Variants in SYNE3 observed in about 807,000 individuals in gnomAD.
SYNE3 encodes spectrin repeat containing nuclear envelope family member 3.
A neutral mutation model predicts 111.2 loss-of-function variants in SYNE3; 100 were observed. The ratio of observed to expected loss-of-function variants is 0.90; its 90% confidence interval spans 0.77 to 1.06. The LOEUF is 1.06. Ranked by LOEUF, SYNE3 falls within the 50% of genes least tolerant of loss-of-function variation. The probability of loss-of-function intolerance (pLI) is 0.00; values close to 1 mark genes in which losing one functional copy is unlikely to be tolerated. For synonymous variants in SYNE3, 547 were observed against 533.9 expected (o/e 1.02, Z -0.34); for missense variants, 1,160 against 1,240.3 (o/e 0.94, Z 0.97).
intron 17 of SYNE3, 34 bp from the exon 18 acceptor site, chr14:95,418,060 G>T (rs1280269862): frequency 1.9e-6 from 3 of 1,600,094 alleles, no homozygotes; most frequent in Non-Finnish European, 1.7e-6. Flanking sequence ...TGAGTGGGCT[G>T]GGGGGCTCTG....
chr14:95,499,061 G>T (rs987313867), intron 1 of SYNE3, among the ~76,000 whole-genome samples: 1 of 152,204 alleles, frequency 6.6e-6, no homozygotes, highest in Non-Finnish European at 1.5e-5. Context: ...GAATCTCAGA[G>T]CTGTACTCAC....
intron 1 of SYNE3, among the ~76,000 whole-genome samples, chr14:95,509,105 C>G (rs1890631871): frequency 6.6e-6 from 1 of 152,228 alleles, no homozygotes; most frequent in African/African-American, 2.4e-5. Flanking sequence ...GGGAATCACT[C>G]TTGAAACTGT....
In SYNE3 at chr14:95,409,010, G is replaced by T. The variant is rs1903359907; in HGVS notation, c.*8816C>A. On this transcript the variant is annotated 3_prime_UTR_variant, in exon 18 of 18. Coordinates refer to ENST00000682763, the MANE Select transcript of SYNE3 (RefSeq NM_152592.6). ...TGGGAGTCAACGGACTTCCCCGCAG[G>T]AGTGGGCACAGGAGGAAAGCAGCAT... The T allele has an allele frequency of 2.6e-6, 1 of 387,224 alleles. No individual in the cohort carries two copies. The highest frequency in any genetic ancestry group is 7.3e-5 in the East Asian group (1 of 13,788). The allele number at this position is 387,224 out of a possible 1,614,324, so 24.0% of individuals were successfully genotyped here.
intron 6 of SYNE3, 74 bp from the exon 7 acceptor site, chr14:95,452,457 A>T: frequency 1.4e-6 from 2 of 1,462,652 alleles, no homozygotes; most frequent in Non-Finnish European, 1.8e-6. Flanking sequence ...CAGGAGGGTG[A>T]GCGTGGCCAG....
chr14:95,420,455 A>C (rs1221568819), intron 17 of SYNE3, among the ~76,000 whole-genome samples: 1 of 152,180 alleles, frequency 6.6e-6, no homozygotes, highest in Non-Finnish European at 1.5e-5. Flanking sequence ...TTGCCCCTTC[A>C]TTCTCAGAGT....
At chr14:95,424,776 G>C (rs1885343041) in intron 17 of SYNE3, among the ~76,000 whole-genome samples, 1 of 152,164 alleles carries the variant, frequency 6.6e-6, no homozygotes, top group Non-Finnish European at 1.5e-5. Flanking sequence ...TCAAGGTCAA[G>C]AAGAATTAAG....
intron 17 of SYNE3, among the ~76,000 whole-genome samples, chr14:95,424,390 G>A (rs2139352572): frequency 6.6e-6 from 1 of 152,266 alleles, no homozygotes; most frequent in East Asian, 1.9e-4. Flanking sequence ...GGAAGGAGGT[G>A]CCAGGGAGAG....
Position 95,502,688 on chromosome 14 carries a change from C to T in SYNE3, c.-15+13908G>A, listed in dbSNP as rs984296661. On this transcript the variant is annotated intron_variant, in intron 1 of 17. Coordinates refer to ENST00000682763, the MANE Select transcript of SYNE3 (RefSeq NM_152592.6). ...CAGAAGGAAAACCAGCACGTACAACCGGTCAGGAACTCACCTCTGGCATTC... is the reference window on the plus strand; with the variant it reads ...CAGAAGGAAAACCAGCACGTACAACTGGTCAGGAACTCACCTCTGGCATTC... Among the ~76,000 whole-genome samples the T allele has an allele frequency of 4.6e-5, 7 of 152,270 alleles. 1 individual carries two copies. Among genetic ancestry groups the T allele is most frequent in the African/African-American group, 9.6e-5 (4 of 41,556 alleles).
chr14:95,458,578 C>A (rs922987669), intron 4 of SYNE3, among the ~76,000 whole-genome samples: 2 of 152,172 alleles, frequency 1.3e-5, no homozygotes, highest in Admixed American at 1.3e-4. Flanking sequence ...GCCCCCTTCT[C>A]ACTCTGAGGC....
chr14:95,498,045 GA>G (rs1266339394), intron 1 of SYNE3, among the ~76,000 whole-genome samples: 7 of 143,820 alleles, frequency 4.9e-5, no homozygotes, highest in Non-Finnish European at 9.2e-5. Context: ...AAAAAAAAAG[GA>G]AAAAAGTAGC....
intron 15 of SYNE3, among the ~76,000 whole-genome samples, chr14:95,434,845 C>A (rs7159208): frequency 0.32 from 48,058 of 151,992 alleles, 7,744 homozygotes; most frequent in East Asian, 0.55. Flanking sequence ...TCAGTAGAAA[C>A]GTGGTTTCTC....
intron 5 of SYNE3, chr14:95,456,028 C>A: frequency 2.3e-6 from 1 of 431,410 alleles, no homozygotes. Context: ...CCTTTCCATG[C>A]CTTCAGCTGG....
intron 1 of SYNE3, 125 bp from the exon 2 acceptor site, chr14:95,475,960 G>T: frequency 2.1e-6 from 2 of 961,626 alleles, no homozygotes; most frequent in Non-Finnish European, 2.8e-6. Flanking sequence ...TCCCAGTTGG[G>T]CAATATGGCC....
chr14:95,509,297 G>A (rs1377871990), intron 1 of SYNE3, among the ~76,000 whole-genome samples: 1 of 152,182 alleles, frequency 6.6e-6, no homozygotes, highest in Non-Finnish European at 1.5e-5. Flanking sequence ...AGGTGAGAAA[G>A]GCCACGATGA....
intron 1 of SYNE3, among the ~76,000 whole-genome samples, chr14:95,504,190 C>G (rs1890441273): frequency 6.6e-6 from 1 of 152,138 alleles, no homozygotes; most frequent in Non-Finnish European, 1.5e-5. Flanking sequence ...CAACCAACAC[C>G]CATTCATTTA....
intron 1 of SYNE3, among the ~76,000 whole-genome samples, chr14:95,486,951 T>C (rs1412013853): frequency 1.3e-5 from 2 of 152,186 alleles, no homozygotes; most frequent in African/African-American, 4.8e-5. Flanking sequence ...CCTACAGTCC[T>C]AACTGGCCAG....
In SYNE3 at chr14:95,444,596, T is replaced by C. The variant is rs9919918; in HGVS notation, c.1665A>G (p.Ala555=). The change falls in exon 10 of 18, where the codon GCA becomes GCG. Residue 555 remains alanine, a synonymous_variant. Transcript: ENST00000682763. ...GCTTCCTCTGCAGGGGCTCAAAAGCTGCTCCAAAGTCTTTGTGCTGAGCGA... is the reference window on the plus strand; with the variant it reads ...GCTTCCTCTGCAGGGGCTCAAAAGCCGCTCCAAAGTCTTTGTGCTGAGCGA... ...SLLAQHKDFG[A]AFEPLQRKLL... The C allele has an allele frequency of 0.21, 334,367 of 1,610,490 alleles. 38,272 individuals are homozygous for C. Among genetic ancestry groups the C allele is most frequent in the Admixed American group, 0.45 (26,654 of 59,728 alleles).
In SYNE3 at chr14:95,470,097, G is replaced by C. The variant is rs965849911; in HGVS notation, c.145-2130C>G. The stretch of plus-strand genomic sequence containing the variant: ...AGCAGGATGTGGCAGGGGCCCAGGG[G>C]GTGGTGGCCACAGCAAGTACCCACA... On this transcript the variant is annotated intron_variant, in intron 2 of 17. Transcript: ENST00000682763. This position sits in a 1 kb window ranked among gnomAD's most constrained non-coding sequence, Gnocchi z 4.2. Among the ~76,000 whole-genome samples the C allele has an allele frequency of 1.3e-5, 2 of 152,030 alleles. No homozygotes were observed. The highest frequency in any genetic ancestry group is 2.9e-5 in the Non-Finnish European group (2 of 68,004).
At chr14:95,501,271 G>A (rs1485842571) in intron 1 of SYNE3, among the ~76,000 whole-genome samples, 1 of 152,202 alleles carries the variant, frequency 6.6e-6, no homozygotes, top group Non-Finnish European at 1.5e-5. Context: ...TTGCTTGCTT[G>A]TTGACTCTAG....
Sources: gnomAD v4.1 joint callset for allele counts (sites outside exome capture counted in the v4.1 genomes callset) on GRCh38, gnomAD v4.1.1 for gene constraint, Gnocchi (gnomAD v3.1) non-coding constraint, MANE v1.5 for transcripts, NCBI Gene and HGNC (gene_info 2026-07-23, HGNC 2026-07-21) for gene names.